Variants in DHX8 observed in about 807,000 individuals in gnomAD.
DHX8 encodes DEAH-box helicase 8, also known as ATP-dependent RNA helicase DHX8.
A neutral mutation model predicts 140.7 loss-of-function variants in DHX8; 67 were observed. The ratio of observed to expected loss-of-function variants is 0.48; its 90% CI spans 0.39 to 0.58. DHX8 has a LOEUF of 0.58. DHX8 is among the 20% of genes least tolerant of loss of function. The pLI is 0.00. For synonymous variants in DHX8, 533 were observed against 553.2 expected (o/e 0.96, Z 0.51); for missense variants, 887 against 1,550.7 (o/e 0.57, Z 7.19).
chr17:43,520,969 T>A, intron 20 of DHX8, 90 bp downstream of exon 20: 3 of 1,186,888 alleles, frequency 2.5e-6, no homozygotes, highest in Non-Finnish European at 3.4e-6. Context: ...GTGGACTTTT[T>A]TTTTTTTTTT....
At chr17:43,502,319 G>A (rs749829382) in intron 11 of DHX8, among the ~76,000 whole-genome samples, 2 of 152,172 alleles carry the variant, frequency 1.3e-5, no homozygotes, top group African/African-American at 4.8e-5. Flanking sequence ...TTGGGAGGCC[G>A]AGGCAGGAGA....
rs146793817 is a variant in DHX8 at position 43,490,456 on chromosome 17, T to A, written c.300T>A (p.Thr100=). 5.2e-4 allele frequency: 840 copies of A among 1,613,338 alleles called. 6 individuals are homozygous for A. In the African/African-American group the frequency reaches 9.3e-3, roughly 18 times the overall value. Residue 100 remains threonine, a synonymous_variant, in exon 3 of 23, where the codon ACT becomes ACA. Coordinates refer to ENST00000262415, the MANE Select transcript of DHX8 (RefSeq NM_004941.3). ...QTMRPPAKPS[T]SKDPVVKPKT... is the part of the protein sequence containing the mutation. ...TGCGGCCTCCAGCGAAGCCTTCCAC[T>A]AGCAAAGGTAAGCAGAGCTTCCAGC...
downstream of DHX8, chr17:43,526,360 T>C: frequency 6.8e-7 from 1 of 1,471,570 alleles, no homozygotes; most frequent in Non-Finnish European, 9.0e-7. Context: ...GCACACATGC[T>C]GAGTGTGCTG....
intron 2 of DHX8, among the ~76,000 whole-genome samples, chr17:43,535,845 G>A (rs1240811202): frequency 6.6e-6 from 1 of 152,204 alleles, no homozygotes; most frequent in African/African-American, 2.4e-5. Flanking sequence ...GGCGCACTGG[G>A]CTCACGCCTG....
chr17:43,513,577 A>G, intron 17 of DHX8, 75 bp downstream of exon 17: 1 of 1,485,700 alleles, frequency 6.7e-7, no homozygotes, highest in East Asian at 2.3e-5. Flanking sequence ...ATGGTTATAT[A>G]TTTCAAACTT....
chr17:43,536,990 ACAAAACTCCCTTAAAGCT>A (rs1328238445), intron 3 of DHX8, among the ~76,000 whole-genome samples: 6 of 152,182 alleles, frequency 3.9e-5, no homozygotes, highest in Admixed American at 6.5e-5. Flanking sequence ...CTCAGAGTTT[ACAAAACTCCCTTAAAGCT>A]CACAACAGTC....
chr17:43,539,199 G>T (rs993966267), intron 3 of DHX8, among the ~76,000 whole-genome samples: 2 of 152,150 alleles, frequency 1.3e-5, no homozygotes, highest in Non-Finnish European at 2.9e-5. Context: ...ACTTGGCCTT[G>T]CCTACCTCTC....
intron 13 of DHX8, 34 bp downstream of exon 13, chr17:43,507,231 A>G (rs775225375): frequency 1.3e-6 from 2 of 1,568,824 alleles, no homozygotes; most frequent in Non-Finnish European, 1.7e-6. Flanking sequence ...GAAAAATACC[A>G]GAAGCAAAGG....
intron 4 of DHX8, among the ~76,000 whole-genome samples, 163 bp from the exon 5 acceptor site, chr17:43,492,020 C>T (rs765409027): frequency 6.6e-6 from 1 of 152,164 alleles, no homozygotes; most frequent in Non-Finnish European, 1.5e-5. Context: ...TTCTCAAGAG[C>T]CTTTTTTCCA....
At chr17:43,543,012 G>A (rs1971599658) in intron 3 of DHX8, among the ~76,000 whole-genome samples, 1 of 152,110 alleles carries the variant, frequency 6.6e-6, no homozygotes, top group African/African-American at 2.4e-5. Flanking sequence ...GTGGTGTTGG[G>A]ATGGTGCAGG....
At position 43,536,138 on chromosome 17, in the gene DHX8, A is replaced by G. The variant is rs567802890; in HGVS notation, c.351-274A>G. On this transcript the variant is annotated intron_variant, in intron 2 of 3. Coordinates refer to the DHX8 transcript ENST00000589898. ...GGGGAAAACAAACAAACAAACAAAC[A>G]AACAACACTAGAACTGGACTCTGCT... Among the ~76,000 whole-genome samples the G allele has an allele frequency of 3.5e-3, 534 of 152,290 alleles. 3 individuals carry two copies. The highest frequency in any genetic ancestry group is 0.012 in the African/African-American group (507 of 41,550).
rs1276117354 is a variant in DHX8 at position 43,512,695 on chromosome 17, G to A, written c.2503-667G>A. 3.3e-5 allele frequency among the ~76,000 whole-genome samples: 5 copies of A among 152,198 alleles called. No homozygotes were observed. In the South Asian group the frequency reaches 6.2e-4, roughly 19 times the overall value. On this transcript the variant is annotated intron_variant, in intron 16 of 22. Coordinates refer to ENST00000262415, the MANE Select transcript of DHX8 (RefSeq NM_004941.3). ...GACCAGTAAGATGCTGGCATGATGC[G>A]TGATATTCCGGTGCCCCCAGTGATG...
At chr17:43,531,002 G>A (rs1970902176), downstream of DHX8, among the ~76,000 whole-genome samples, 1 of 152,232 alleles carries the variant, frequency 6.6e-6, no homozygotes, top group African/African-American at 2.4e-5. Context: ...AATCCCCTCC[G>A]GTCTACAGCC....
intron 16 of DHX8, among the ~76,000 whole-genome samples, chr17:43,513,089 A>G (rs1969932785): frequency 6.6e-6 from 1 of 152,172 alleles, no homozygotes; most frequent in South Asian, 2.1e-4. Flanking sequence ...CACAGTAGCT[A>G]TTTGCACCAA....
chr17:43,505,052 G>T (rs975560325), intron 12 of DHX8, among the ~76,000 whole-genome samples: 1 of 152,054 alleles, frequency 6.6e-6, no homozygotes, highest in African/African-American at 2.4e-5. Flanking sequence ...AAGGCAGGAG[G>T]ATCACTTGAG....
downstream of DHX8, among the ~76,000 whole-genome samples, chr17:43,527,592 C>G (rs1970654124): frequency 6.6e-6 from 1 of 152,238 alleles, no homozygotes; most frequent in South Asian, 2.1e-4. Context: ...GGGCGCCTGT[C>G]CAGGTTATCA....
intron 5 of DHX8, 137 bp from the exon 6 acceptor site, chr17:43,492,544 G>T: frequency 6.2e-6 from 4 of 641,250 alleles, no homozygotes; most frequent in Middle Eastern, 2.6e-4. Context: ...TAGGGATGTC[G>T]TAGTTATTGA....
rs1229438285 is a variant in DHX8, at chr17:43,487,337, G to A, written c.149-2112G>A. Among the ~76,000 whole-genome samples the A allele has an allele frequency of 2.0e-5, 3 of 152,154 alleles. No homozygotes were observed. In the East Asian group the frequency reaches 5.8e-4, roughly 29 times the overall value. On this transcript the variant is annotated intron_variant, in intron 1 of 22. Transcript: ENST00000262415. ...GCACATTCCAGGATGGAAATTGTAT[G>A]GTAGTACTACTTTATGAGTTAGTCA...
At chr17:43,494,273 A>T (rs923574123) in intron 8 of DHX8, among the ~76,000 whole-genome samples, 1 of 152,192 alleles carries the variant, frequency 6.6e-6, no homozygotes, top group Non-Finnish European at 1.5e-5. Context: ...TCCCTCCCAC[A>T]CACGTGGAAA....
Sources: allele counts gnomAD v4.1 joint callset (sites outside exome capture counted in the v4.1 genomes callset), GRCh38; gene constraint gnomAD v4.1.1; transcripts MANE v1.5; gene names NCBI Gene and HGNC (gene_info 2026-07-23, HGNC 2026-07-21).